The following ANTXR1 variants were observed in gnomAD, a reference collection of about 807,000 sequenced individuals.
ANTXR1 encodes ANTXR cell adhesion molecule 1.
Under a neutral mutation model 78.1 loss-of-function variants are expected in ANTXR1, and 19 were observed. The observed-to-expected ratio is 0.24, with a 90% CI of 0.17 to 0.36. The LOEUF (loss-of-function observed/expected upper bound fraction) is 0.36, where lower values mean the gene tolerates loss of function less well. Among genes scored for constraint, ANTXR1 ranks in the 10% least tolerant of loss-of-function variants. ANTXR1 has a pLI of 1.00. For missense variants in ANTXR1, 518 were observed against 718.6 expected (o/e 0.72, Z 3.19); for synonymous variants, 273 against 260.5 (o/e 1.05, Z -0.46).
At chr2:69,207,424 T>C (rs1674932903) in intron 17 of ANTXR1, among the ~76,000 whole-genome samples, 1 of 152,158 alleles carries the variant, frequency 6.6e-6, no homozygotes, top group Admixed American at 6.5e-5. Context: ...GAATGGGGGA[T>C]GTGATTTGAC....
intron 17 of ANTXR1, among the ~76,000 whole-genome samples, chr2:69,234,930 C>G (rs929300394): frequency 6.9e-6 from 1 of 144,370 alleles, no homozygotes; most frequent in Non-Finnish European, 1.5e-5. Context: ...TAGTTTGGCT[C>G]TTTAGTCCAC....
rs757225900 is a variant in ANTXR1 at position 69,182,589 on chromosome 2, C to G, written c.1282C>G (p.Pro428Ala). 6.2e-7 allele frequency: 1 copy of G among 1,614,116 alleles called. No homozygotes were observed. The highest frequency in any genetic ancestry group is 2.2e-5 in the East Asian group (1 of 44,882). The change falls in exon 16 of 18, where the codon CCT becomes GCT. Residue 428 changes from proline to alanine, a missense_variant. Transcript: ENST00000303714. ...VKMPEQEYEF[P>A]EPRNLNNNMR... ...GATGCCGGAGCAGGAATATGAATTC[C>G]CTGAGCCGCGAAATCTCAACAACAA...
At chr2:69,227,936 G>T (rs1439695812) in intron 17 of ANTXR1, among the ~76,000 whole-genome samples, 1 of 152,238 alleles carries the variant, frequency 6.6e-6, no homozygotes, top group Non-Finnish European at 1.5e-5. Context: ...TTGCAAGGAA[G>T]GCTGGGAAAT....
intron 14 of ANTXR1, among the ~76,000 whole-genome samples, chr2:69,180,586 CT>C (rs1165083179): frequency 6.6e-6 from 1 of 152,184 alleles, no homozygotes; most frequent in East Asian, 1.9e-4. Context: ...GTTGCAGACA[CT>C]TAATTAACTG....
intron 17 of ANTXR1, among the ~76,000 whole-genome samples, chr2:69,201,969 A>T (rs918627847): frequency 1.3e-5 from 2 of 152,126 alleles, no homozygotes; most frequent in Non-Finnish European, 2.9e-5. Flanking sequence ...CTGCGAGTAC[A>T]TGCCTCCTTA....
At chr2:69,122,764 T>G (rs1672392907) in intron 10 of ANTXR1, among the ~76,000 whole-genome samples, 1 of 151,860 alleles carries the variant, frequency 6.6e-6, no homozygotes, top group Admixed American at 6.6e-5. Flanking sequence ...CCCACAACAG[T>G]CCCCGGTGTG....
chr2:69,111,447 T>G (rs1671974723), intron 10 of ANTXR1, among the ~76,000 whole-genome samples: 1 of 152,252 alleles, frequency 6.6e-6, no homozygotes, highest in South Asian at 2.1e-4. Flanking sequence ...TAGTGTTGCA[T>G]GGAGATGCAT....
At chr2:69,130,696 T>A (rs1233796820) in intron 12 of ANTXR1, among the ~76,000 whole-genome samples, 1 of 152,212 alleles carries the variant, frequency 6.6e-6, no homozygotes, top group Non-Finnish European at 1.5e-5. Context: ...ATTAGGTTAT[T>A]GACCTAACTT....
intron 17 of ANTXR1, among the ~76,000 whole-genome samples, chr2:69,219,173 C>T (rs1442073835): frequency 6.6e-6 from 1 of 152,096 alleles, no homozygotes. Context: ...TCCCCAGGTC[C>T]CTGGGTTCTG....
intron 12 of ANTXR1, chr2:69,145,998 T>A: frequency 8.1e-6 from 8 of 985,412 alleles, no homozygotes; most frequent in Non-Finnish European, 9.6e-6. Context: ...ATTTTGTGAG[T>A]TGGGAGCAGA....
chr2:69,200,865 C>G (rs1212310987), intron 17 of ANTXR1, among the ~76,000 whole-genome samples: 5 of 152,110 alleles, frequency 3.3e-5, no homozygotes, highest in African/African-American at 1.2e-4. Context: ...ATGATGATCT[C>G]CATTTTAAAG....
chr2:69,194,889 G>T (rs1674632033), intron 17 of ANTXR1, among the ~76,000 whole-genome samples: 1 of 151,956 alleles, frequency 6.6e-6, no homozygotes, highest in Non-Finnish European at 1.5e-5. Flanking sequence ...AAATGCTCGG[G>T]CCGGGCGTGG....
chr2:69,109,656 G>A (rs998871973), intron 10 of ANTXR1, among the ~76,000 whole-genome samples: 9 of 152,188 alleles, frequency 5.9e-5, no homozygotes, highest in African/African-American at 2.2e-4. Context: ...TGGAAAAACA[G>A]TTAAGTTCAT....
intron 3 of ANTXR1, among the ~76,000 whole-genome samples, chr2:69,068,778 G>C (rs1670481000): frequency 6.6e-6 from 1 of 152,236 alleles, no homozygotes; most frequent in South Asian, 2.1e-4. Context: ...AAGGGGGCAA[G>C]AGGCCATTCA....
chr2:69,244,020 A>G (rs544054602), intron 17 of ANTXR1, among the ~76,000 whole-genome samples: 2 of 152,386 alleles, frequency 1.3e-5, no homozygotes, highest in South Asian at 4.1e-4. Context: ...TCACGCCAGC[A>G]TGGAACATGG....
chr2:69,201,459 G>A (rs1240861889), intron 17 of ANTXR1, among the ~76,000 whole-genome samples: 3 of 152,212 alleles, frequency 2.0e-5, no homozygotes, highest in African/African-American at 7.2e-5. Flanking sequence ...TGCTCTGCCA[G>A]CCTGACGAGG....
intron 12 of ANTXR1, among the ~76,000 whole-genome samples, chr2:69,151,186 C>CTTTTTTTTTTTTTTTT (rs59147668): frequency 2.3e-4 from 19 of 82,570 alleles, no homozygotes; most frequent in East Asian, 7.6e-4. Flanking sequence ...TGATTATTTT[C>CTTTTTTTTTTTTTTTT]TTTTTTTTTT....
At chr2:69,019,015 G>A (rs1305730681) in intron 1 of ANTXR1, among the ~76,000 whole-genome samples, 1 of 152,190 alleles carries the variant, frequency 6.6e-6, no homozygotes, top group African/African-American at 2.4e-5. Context: ...TAATTGATGA[G>A]TCAGACTTTA....
At chr2:69,032,457 AT>A (rs1454600135) in intron 1 of ANTXR1, among the ~76,000 whole-genome samples, 1 of 151,576 alleles carries the variant, frequency 6.6e-6, no homozygotes, top group Non-Finnish European at 1.5e-5. Flanking sequence ...TGGTGCCCTC[AT>A]TCTGCGTCAC....
Sources: allele counts gnomAD v4.1 joint callset (sites outside exome capture counted in the v4.1 genomes callset), GRCh38; gene constraint gnomAD v4.1.1; transcripts MANE v1.5; gene names NCBI Gene and HGNC (gene_info 2026-07-23, HGNC 2026-07-21).